The following TMC6 variants were observed in gnomAD, a reference collection of about 807,000 sequenced individuals.
TMC6 encodes transmembrane channel-like protein 6.
A neutral mutation model predicts 95.4 loss-of-function variants in TMC6; 71 were observed. That is an observed-to-expected ratio of 0.74 (90% CI 0.61 to 0.91). TMC6 has a LOEUF of 0.91. Among genes scored for constraint, TMC6 ranks in the 40% least tolerant of loss-of-function variants. The pLI is 0.00. For missense variants in TMC6, 1,074 were observed against 1,079.1 expected (o/e 1.00, Z 0.07); for synonymous variants, 514 against 483.1 (o/e 1.06, Z -0.84).
intron 18 of TMC6, among the ~76,000 whole-genome samples, chr17:78,115,624 G>A (rs1402434810): frequency 1.4e-5 from 2 of 147,410 alleles, no homozygotes; most frequent in African/African-American, 2.6e-5. Flanking sequence ...GAGGAGCGAA[G>A]GGAGTGGGCA....
chr17:78,110,518 C>G lies in TMC6; in HGVS notation c.*2630G>C, dbSNP rs919768858. Reference sequence around the variant, plus strand: ...GGGCTCAAGCAATCCTCCGCCTCAGCCTCTGGAGCAGCTGCAATTACAGAC... The same window carrying G: ...GGGCTCAAGCAATCCTCCGCCTCAGGCTCTGGAGCAGCTGCAATTACAGAC... On this transcript the variant is annotated 3_prime_UTR_variant, in exon 20 of 20. Coordinates refer to ENST00000590602, the MANE Select transcript of TMC6 (RefSeq NM_001127198.5). The G allele has an allele frequency of 2.6e-5, 4 of 152,330 alleles. No homozygotes were observed. The highest frequency in any genetic ancestry group is 9.6e-5 in the African/African-American group (4 of 41,552). 9.4% of individuals were successfully genotyped at this position (152,330 alleles called of 1,614,324 possible). A position where few individuals can be genotyped will look rare whatever the true frequency, so the allele number is the denominator to read the frequency against.
Position 78,117,795 on chromosome 17 carries a change from C to A in TMC6, c.2021+7G>T. 1.2e-6 allele frequency: 2 copies of A among 1,604,974 alleles called. No homozygotes were observed. The highest frequency in any genetic ancestry group is 2.3e-5 in the East Asian group (1 of 44,438). On this transcript the variant is annotated splice_region_variant and intron_variant, in intron 16 of 19. Coordinates refer to ENST00000590602, the MANE Select transcript of TMC6 (RefSeq NM_001127198.5). ...CAGAAGGGTCTCCCTCCACCCGCCC[C>A]ACTCACTGCCAGACGGCGTAGCAGA...
intron 18 of TMC6, 56 bp downstream of exon 18, chr17:78,117,213 A>AAGG: frequency 1.9e-6 from 3 of 1,572,764 alleles, no homozygotes; most frequent in Non-Finnish European, 2.6e-6. Flanking sequence ...GGGGAGCGTC[A>AAGG]CCCTCAGGTG....
chr17:78,117,695 G>A (rs1486435709), intron 16 of TMC6, 51 bp from the exon 17 acceptor site: 3 of 1,554,456 alleles, frequency 1.9e-6, no homozygotes, highest in Non-Finnish European at 2.6e-6. Context: ...AGTTCACCCG[G>A]CTCCCTCCCA....
chr17:78,126,568 G>T lies in TMC6; in HGVS notation c.137C>A (p.Ala46Asp). ...CTGCTGCAGCTCCAGCCCCTCCTGG[G>T]CCGTGCACTGGCTCTGCTCCTGGAT... is the stretch of plus-strand genomic sequence containing the variant. ...QLIQEQSQCT[A>D]QEGLELQQRE... The change falls in exon 3 of 20, where the codon GCC becomes GAC. Residue 46 changes from alanine to aspartate, a missense_variant. By Grantham distance (126) the Ala-to-Asp change is moderately radical. Transcript: ENST00000590602. 6.2e-7 allele frequency: 1 copy of T among 1,613,768 alleles called. No individual in the cohort carries two copies.
chr17:78,114,878 C>T (rs2073979002), intron 18 of TMC6, among the ~76,000 whole-genome samples: 1 of 152,140 alleles, frequency 6.6e-6, no homozygotes, highest in Admixed American at 6.5e-5. Context: ...CAGCCAGCAT[C>T]CGCCTGGAGA....
In TMC6 at chr17:78,122,829, T is replaced by C. The variant is rs966305967; in HGVS notation, c.1083-80A>G. 4 of 1,548,432 alleles carry C rather than the reference T, an allele frequency of 2.6e-6. No individual in the cohort carries two copies. Among genetic ancestry groups the C allele is most frequent in the Non-Finnish European group, 3.5e-6 (4 of 1,153,392 alleles). ...AGGGGAGAAGGCAGACCGGATGCTC[T>C]GGGCAGCCAGACCCCACCACCCACT... On this transcript the variant is annotated intron_variant, in intron 9 of 19. Coordinates refer to ENST00000590602, the MANE Select transcript of TMC6 (RefSeq NM_001127198.5). The surrounding 1 kb of genome is among the most constrained non-coding windows in gnomAD (Gnocchi z 4.9).
intron 18 of TMC6, among the ~76,000 whole-genome samples, chr17:78,114,338 C>T (rs1028108509): frequency 3.3e-5 from 5 of 152,116 alleles, no homozygotes; most frequent in South Asian, 4.1e-4. Context: ...TGGGCCACCA[C>T]GATAATCTAG....
rs1416387601 is a variant in TMC6 at position 78,124,512 on chromosome 17, G to A, written c.891+12C>T. On this transcript the variant is annotated intron_variant, in intron 8 of 19. Coordinates refer to ENST00000590602, the MANE Select transcript of TMC6 (RefSeq NM_001127198.5). ...AGGCACCCCCCGTCCCCCAGTCCTA[G>A]GGCTTCCTCACCGCGCCTGTGAGGA... is the stretch of plus-strand genomic sequence containing the variant. The A allele has an allele frequency of 7.5e-6, 12 of 1,608,310 alleles. No individual in the cohort carries two copies. The highest frequency in any genetic ancestry group is 1.0e-5 in the Non-Finnish European group (12 of 1,179,780).
At chr17:78,125,967 T>G in intron 4 of TMC6, 83 bp from the exon 5 acceptor site, 1 of 1,527,122 alleles carries the variant, frequency 6.5e-7, no homozygotes. Context: ...GGCCTCTGCG[T>G]CCCTCACCCC....
upstream of TMC6, chr17:78,132,177 C>T: frequency 7.1e-7 from 1 of 1,413,990 alleles, no homozygotes; most frequent in Non-Finnish European, 9.6e-7. Flanking sequence ...CTTCCGCCCG[C>T]AGGCACCGCA....
At position 78,122,371 on chromosome 17, in the gene TMC6, CG is replaced by C; in HGVS notation, c.1227+233del. The stretch of plus-strand genomic sequence containing the variant: ...TGCCCACGGGGCCATGGCGCTACTA[CG>C]CGCTAGCAGACAACAGAGGCAGCCC... On this transcript the variant is annotated intron_variant, in intron 10 of 19. Coordinates refer to ENST00000590602, the MANE Select transcript of TMC6 (RefSeq NM_001127198.5). The surrounding 1 kb of genome is among the most constrained non-coding windows in gnomAD (Gnocchi z 4.9). Among the ~76,000 whole-genome samples the C allele has an allele frequency of 6.6e-6, 1 of 152,028 alleles. No individual in the cohort carries two copies. Among genetic ancestry groups the C allele is most frequent in the Non-Finnish European group, 1.5e-5 (1 of 68,002 alleles).
chr17:78,123,929 GA>G, intron 9 of TMC6, 59 bp downstream of exon 9: 1 of 1,595,400 alleles, frequency 6.3e-7, no homozygotes, highest in South Asian at 1.1e-5. Flanking sequence ...TGAATGGGTC[GA>G]AAGATGAATG....
Position 78,113,094 on chromosome 17 carries a change from C to T in TMC6, c.*54G>A. 7 of 1,542,514 alleles carry T rather than the reference C, an allele frequency of 4.5e-6. No individual in the cohort carries two copies. The highest frequency in any genetic ancestry group is 6.1e-6 in the Non-Finnish European group (7 of 1,139,880). On this transcript the variant is annotated 3_prime_UTR_variant, in exon 20 of 20. Coordinates refer to ENST00000590602, the MANE Select transcript of TMC6 (RefSeq NM_001127198.5). ...GTGTCCCAGCAGGGTCACTGGGAGG[C>T]AACAGTGTGGTCTCAGGGTGCTGGG...
upstream of TMC6, chr17:78,131,674 T>C: frequency 6.4e-7 from 1 of 1,572,144 alleles, no homozygotes; most frequent in East Asian, 2.3e-5. Flanking sequence ...ATGGAGCGGC[T>C]GCGCGGCTCT....
intron 9 of TMC6, chr17:78,123,117 C>A: frequency 2.7e-6 from 1 of 373,004 alleles, no homozygotes; most frequent in Non-Finnish European, 5.2e-6. Context: ...CCACTCTTAT[C>A]TAACCTTCCC....
At position 78,125,786 on chromosome 17, in the gene TMC6, C is replaced by T. The variant is rs759925295; in HGVS notation, c.370G>A (p.Ala124Thr). ...RPLLGNFVRS[A>T]WPSLRLYDLE... ...TCGTACAGGCGGAGGCTGGGCCAGG[C>T]GGAGCGGACAAAGTTCCCGAGCAGG... Residue 124 changes from alanine (A) to threonine (T), a missense_variant, in exon 5 of 20, where the codon GCC becomes ACC. Transcript: ENST00000590602. 26 of 1,562,130 alleles carry T rather than the reference C, an allele frequency of 1.7e-5. No individual in the cohort carries two copies. Among genetic ancestry groups the T allele is most frequent in the Admixed American group, 1.1e-4 (6 of 52,956 alleles).
In TMC6 at chr17:78,125,247, C is replaced by A. The variant is rs1318435990; in HGVS notation, c.447G>T (p.Leu149=). 3 of 1,578,834 alleles carry A rather than the reference C, an allele frequency of 1.9e-6. No individual in the cohort carries two copies. Among genetic ancestry groups the A allele is most frequent in the Non-Finnish European group, 2.6e-6 (3 of 1,161,742 alleles). Residue 149 remains leucine, a synonymous_variant, in exon 6 of 20, where the codon CTG becomes CTT. Coordinates refer to ENST00000590602, the MANE Select transcript of TMC6 (RefSeq NM_001127198.5). The stretch of plus-strand genomic sequence containing the variant: ...CTGCCAGGCTCTGGAGCTCCTTCAC[C>A]AGGAGGCTCTGCTTCTCTGCGAGAG... ...ALEEEEKQSL[L]VKELQSLAVA...
chr17:78,130,354 C>T (rs1267769190), upstream of TMC6, among the ~76,000 whole-genome samples: 1 of 152,192 alleles, frequency 6.6e-6, no homozygotes, highest in African/African-American at 2.4e-5. Flanking sequence ...AGAGTTTGGC[C>T]CCTGTGCCCC....
Sources: allele counts gnomAD v4.1 joint callset (sites outside exome capture counted in the v4.1 genomes callset), GRCh38; gene constraint gnomAD v4.1.1; non-coding constraint Gnocchi (gnomAD v3.1); transcripts MANE v1.5; gene names NCBI Gene and HGNC (gene_info 2026-07-23, HGNC 2026-07-21).